Variants in CEP170B observed in about 807,000 individuals in gnomAD.
The protein encoded by CEP170B is centrosomal protein 170B, also known as centrosomal protein of 170 kDa protein B.
In CEP170B, 55 loss-of-function variants were observed where a neutral mutation model predicts 120.6. The ratio of observed to expected loss-of-function variants is 0.46; its 90% CI spans 0.37 to 0.57. CEP170B has a LOEUF of 0.57. CEP170B is among the 20% of genes least tolerant of loss of function. The pLI is 0.00. For synonymous variants in CEP170B, 1,033 were observed against 954.5 expected (o/e 1.08, Z -1.52); for missense variants, 2,212 against 2,253.3 (o/e 0.98, Z 0.37).
chr14:104,889,455 A>T (rs536992851), intron 12 of CEP170B, 165 bp from the exon 13 acceptor site: 1 of 1,488,930 alleles, frequency 6.7e-7, no homozygotes, highest in Non-Finnish European at 9.0e-7. Flanking sequence ...TGGGACTGCC[A>T]CAGGGTGCTG....
rs901764576 is a variant in CEP170B at position 104,870,198 on chromosome 14, G to T, written c.105+1643G>T. 6.6e-6 allele frequency among the ~76,000 whole-genome samples: 1 copy of T among 152,224 alleles called. No individual in the cohort carries two copies. The highest frequency in any genetic ancestry group is 1.5e-5 in the Non-Finnish European group (1 of 68,044). ...GGCCGTGGTGAGGGGCAGCCAGGGA[G>T]CGAGCGTGGGCGACCGAGGTGGGCG... On this transcript the variant is annotated intron_variant, in intron 2 of 18. Coordinates refer to ENST00000414716, the MANE Select transcript of CEP170B (RefSeq NM_001112726.3). The surrounding 1 kb of genome is among the most constrained non-coding windows in gnomAD (Gnocchi z 4.1).
rs537995572 is a variant in CEP170B, at chr14:104,896,331, G to T, written c.*1373G>T. The stretch of plus-strand genomic sequence containing the variant: ...CTGATGTTTACGTGTGTGTGTGAGG[G>T]GGGGCGGGGGTGGCAGGTGTCCCCC... On this transcript the variant is annotated 3_prime_UTR_variant, in exon 19 of 19. Coordinates refer to ENST00000414716, the MANE Select transcript of CEP170B (RefSeq NM_001112726.3). 8 of 339,414 alleles carry T rather than the reference G, an allele frequency of 2.4e-5. No individual in the cohort carries two copies. In the Admixed American group the frequency reaches 2.4e-4, roughly 10 times the overall value. 21.0% of individuals were successfully genotyped at this position (339,414 alleles called of 1,614,324 possible). A position where few individuals can be genotyped will look rare whatever the true frequency, so the allele number is the denominator to read the frequency against.
In CEP170B at chr14:104,887,884, G is replaced by A. The variant is rs768028548; in HGVS notation, c.3645G>A (p.Arg1215=). The A allele has an allele frequency of 6.4e-7, 1 of 1,565,196 alleles. No homozygotes were observed. Among genetic ancestry groups the A allele is most frequent in the East Asian group, 2.3e-5 (1 of 42,724 alleles). Residue 1215 remains arginine, a synonymous_variant, in exon 12 of 19, where the codon CGG becomes CGA. Transcript: ENST00000414716. ...GCAAGCCCACCATGGCCGAAGCACGGGCTGTCTCCAGGAAGGCTGCCAACA... is the reference window on the plus strand; with the variant it reads ...GCAAGCCCACCATGGCCGAAGCACGAGCTGTCTCCAGGAAGGCTGCCAACA... The part of the protein sequence containing the change: ...ASRKPTMAEA[R]AVSRKAANTA...
rs1897039122 is a variant in CEP170B, at chr14:104,895,477, G to C, written c.*519G>C. The stretch of plus-strand genomic sequence containing the variant: ...ACCTGTTCCTGGGACTGTCTGAGAT[G>C]GCAGGGCACTTGCCCTGGTGGCTCC... On this transcript the variant is annotated 3_prime_UTR_variant, in exon 19 of 19. Transcript: ENST00000414716. 6.5e-6 allele frequency: 1 copy of C among 152,998 alleles called. No individual in the cohort carries two copies. The highest frequency in any genetic ancestry group is 1.5e-5 in the Non-Finnish European group (1 of 68,340). The allele number at this position is 152,998 out of a possible 1,614,324, so 9.5% of individuals were successfully genotyped here.
Position 104,880,108 on chromosome 14 carries a change from G to A in CEP170B, c.334-179G>A, listed in dbSNP as rs149085393. ...CCTCCCCAGGCTTGAGCTGGACCCCGAGCCGTGTTACCTGGGCAGGCTGAG... is the reference window on the plus strand; with the variant it reads ...CCTCCCCAGGCTTGAGCTGGACCCCAAGCCGTGTTACCTGGGCAGGCTGAG... On this transcript the variant is annotated intron_variant, in intron 5 of 18. Coordinates refer to ENST00000414716, the MANE Select transcript of CEP170B (RefSeq NM_001112726.3). 6.9e-3 allele frequency among the ~76,000 whole-genome samples: 1,057 copies of A among 152,246 alleles called. 8 individuals are homozygous for A. The highest frequency in any genetic ancestry group is 0.037 in the Middle Eastern group (11 of 294).
Position 104,894,919 on chromosome 14 carries a change from C to T in CEP170B, c.4626C>T (p.Asp1542=), listed in dbSNP as rs1180217022. Residue 1542 remains aspartate (D), a synonymous_variant, in exon 19 of 19, where the codon GAC becomes GAT. Transcript: ENST00000414716. ...GCTGTGGGCCTCCCAGCCTCCCGGA[C>T]CCCACCTTCCTCCCTGATGCCGAGA... ...RASCGPPSLP[D]PTFLPDAERF... 1.3e-6 allele frequency: 2 copies of T among 1,594,438 alleles called. No individual in the cohort carries two copies. The highest frequency in any genetic ancestry group is 1.7e-6 in the Non-Finnish European group (2 of 1,170,976).
In CEP170B at chr14:104,870,139, G is replaced by A. The variant is rs1566850279; in HGVS notation, c.105+1584G>A. Among the ~76,000 whole-genome samples, 1 of 152,080 alleles carries A rather than the reference G, an allele frequency of 6.6e-6. No individual in the cohort carries two copies. The highest frequency in any genetic ancestry group is 1.5e-5 in the Non-Finnish European group (1 of 68,020). ...GCCTGGTAAAGATTTTAGGTTTTATGGACCACAAAGTATCCACTGCAGCCC... is the reference window on the plus strand; with the variant it reads ...GCCTGGTAAAGATTTTAGGTTTTATAGACCACAAAGTATCCACTGCAGCCC... On this transcript the variant is annotated intron_variant, in intron 2 of 18. Transcript: ENST00000414716. This position sits in a 1 kb window ranked among gnomAD's most constrained non-coding sequence, Gnocchi z 4.1.
chr14:104,884,339 G>A lies in CEP170B; in HGVS notation c.1560G>A (p.Glu520=). The A allele has an allele frequency of 1.3e-6, 2 of 1,544,566 alleles. No homozygotes were observed. Among genetic ancestry groups the A allele is most frequent in the Non-Finnish European group, 1.7e-6 (2 of 1,145,150 alleles). ...CCCCGGCCGCCCGGCCCAGCCCCGA[G>A]AAGGTTCCTCCGGTGCTGCCCGCTC... is the stretch of plus-strand genomic sequence containing the variant. The part of the protein sequence containing the change: ...ESSPAARPSP[E]KVPPVLPAPL... The change falls in exon 9 of 19, where the codon GAG becomes GAA. Residue 520 remains glutamate, a synonymous_variant. Transcript: ENST00000414716.
In CEP170B at chr14:104,868,330, T is replaced by G; in HGVS notation, c.-27-94T>G. ...CTTCTCCGGAAGCTGCCAGCTTCCCTTAGAGGGTCAGGATCTGGGCTGGGC... is the reference window on the plus strand; with the variant it reads ...CTTCTCCGGAAGCTGCCAGCTTCCCGTAGAGGGTCAGGATCTGGGCTGGGC... On this transcript the variant is annotated intron_variant, in intron 1 of 18. Coordinates refer to ENST00000414716, the MANE Select transcript of CEP170B (RefSeq NM_001112726.3). This position sits in a 1 kb window ranked among gnomAD's most constrained non-coding sequence, Gnocchi z 5.9. The G allele has an allele frequency of 1.2e-6, 1 of 866,026 alleles. No homozygotes were observed. Among genetic ancestry groups the G allele is most frequent in the East Asian group, 2.7e-5 (1 of 37,222 alleles). 53.6% of individuals were successfully genotyped at this position (866,026 alleles called of 1,614,324 possible).
At chr14:104,866,980 C>T (rs1895237591) in intron 1 of CEP170B, among the ~76,000 whole-genome samples, 1 of 152,216 alleles carries the variant, frequency 6.6e-6, no homozygotes, top group Non-Finnish European at 1.5e-5. Flanking sequence ...CCCATGTCCA[C>T]TCAGGAGCTC....
chr14:104,868,501 G>T lies in CEP170B; in HGVS notation c.51G>T (p.Arg17=), dbSNP rs954451460. ...FLVSSSGARH[R]LPRELIFVGR... is the part of the protein sequence containing the mutation. ...TGAGCAGCAGCGGCGCCCGCCACCG[G>T]CTCCCTCGGGAGCTCATCTTCGTGG... The change falls in exon 2 of 19, where the codon CGG becomes CGT. Residue 17 remains arginine (R), a synonymous_variant. Transcript: ENST00000414716. The surrounding 1 kb of genome is among the most constrained non-coding windows in gnomAD (Gnocchi z 5.9). The T allele has an allele frequency of 6.5e-6, 10 of 1,549,570 alleles. No individual in the cohort carries two copies. The highest frequency in any genetic ancestry group is 8.7e-6 in the Non-Finnish European group (10 of 1,146,938).
At position 104,895,672 on chromosome 14, in the gene CEP170B, C is replaced by CTCCCAT. The variant is rs1566878112; in HGVS notation, c.*715_*720dup. ...GCACACAGGTGCAGACACCCCCCAA[C>CTCCCAT]TCCCATGCACACGGCTAGTCCAGGC... On this transcript the variant is annotated 3_prime_UTR_variant, in exon 19 of 19. Transcript: ENST00000414716. The CTCCCAT allele has an allele frequency of 6.5e-6, 1 of 152,932 alleles. No homozygotes were observed. The highest frequency in any genetic ancestry group is 6.5e-5 in the Admixed American group (1 of 15,300). 9.5% of individuals were successfully genotyped at this position (152,932 alleles called of 1,614,324 possible).
Position 104,894,325 on chromosome 14 carries a change from G to A in CEP170B, c.4312G>A (p.Glu1438Lys). The change falls in exon 17 of 19, where the codon GAA becomes AAA. Residue 1438 changes from glutamate (E) to lysine (K), a missense_variant. Transcript: ENST00000414716. ...CACAGGGAGAGCTTGGGAGGACCTG[G>A]AAGCCAGGATCAACGCCGAGAACGA... ...QNTGRAWEDL[E>K]ARINAENEVP... 5 of 1,613,670 alleles carry A rather than the reference G, an allele frequency of 3.1e-6. No individual in the cohort carries two copies. The highest frequency in any genetic ancestry group is 3.4e-6 in the Non-Finnish European group (4 of 1,179,882).
At chr14:104,886,202 A>C in intron 11 of CEP170B, 72 bp downstream of exon 11, 1 of 1,472,136 alleles carries the variant, frequency 6.8e-7, no homozygotes, top group Admixed American at 2.4e-5. Context: ...CCACGGACAC[A>C]GGCTGCCTCT....
At chr14:104,888,008 G>T (rs1896616328) in intron 12 of CEP170B, 30 bp downstream of exon 12, 31 of 1,457,648 alleles carry the variant, frequency 2.1e-5, no homozygotes, top group African/African-American at 2.8e-5. Context: ...GGAGGCCAGG[G>T]CCAAGACAGG....
chr14:104,881,567 C>T (rs1162165984), intron 6 of CEP170B, among the ~76,000 whole-genome samples: 1 of 152,226 alleles, frequency 6.6e-6, no homozygotes, highest in Non-Finnish European at 1.5e-5. Context: ...CCCAGAGCAC[C>T]TGTCAGTGTC....
rs1365357164 is a variant in CEP170B, at chr14:104,896,613, T to G, written c.*1655T>G. 4.4e-6 allele frequency: 2 copies of G among 456,258 alleles called. No individual in the cohort carries two copies. The highest frequency in any genetic ancestry group is 8.8e-6 in the Non-Finnish European group (2 of 226,934). The allele number at this position is 456,258 out of a possible 1,614,324, so 28.3% of individuals were successfully genotyped here. ...CAGCCTTTGCCTGGGAACTGGTCCT[T>G]GTTTGCCGGGCTTCTCGGAGGGTTC... On this transcript the variant is annotated 3_prime_UTR_variant, in exon 19 of 19. Coordinates refer to ENST00000414716, the MANE Select transcript of CEP170B (RefSeq NM_001112726.3).
Position 104,886,336 on chromosome 14 carries a change from A to G in CEP170B, c.2097A>G (p.Arg699=). ...PEGSLPVRMR[R]RLPQLPSERA... Reference sequence around the variant, plus strand: ...GGTCCCTGCCTGTGCGCATGCGGCGACGGCTCCCTCAGCTGCCCAGTGAGA... The same window carrying G: ...GGTCCCTGCCTGTGCGCATGCGGCGGCGGCTCCCTCAGCTGCCCAGTGAGA... Residue 699 remains arginine (R), a synonymous_variant, in exon 12 of 19, where the codon CGA becomes CGG. Coordinates refer to ENST00000414716, the MANE Select transcript of CEP170B (RefSeq NM_001112726.3). 1 of 1,562,636 alleles carries G rather than the reference A, an allele frequency of 6.4e-7. No individual in the cohort carries two copies.
rs563858070 is a variant in CEP170B at position 104,886,403 on chromosome 14, G to A, written c.2164G>A (p.Gly722Arg). 3.4e-5 allele frequency: 54 copies of A among 1,581,896 alleles called. No homozygotes were observed. In the South Asian group the frequency reaches 5.5e-4, roughly 16 times the overall value. ...PAGPESSRRS[G>R]PGPPELDSEQ... The stretch of plus-strand genomic sequence containing the variant: ...GGGCCCAGAGAGCAGCAGGAGGAGT[G>A]GGCCTGGGCCACCGGAGCTGGACAG... The change falls in exon 12 of 19, where the codon GGG becomes AGG. Residue 722 changes from glycine (G) to arginine (R), a missense_variant. By Grantham distance (125) the Gly-to-Arg change is moderately radical. Transcript: ENST00000414716.
Sources: allele counts gnomAD v4.1 joint callset (sites outside exome capture counted in the v4.1 genomes callset), GRCh38; gene constraint gnomAD v4.1.1; non-coding constraint Gnocchi (gnomAD v3.1); transcripts MANE v1.5; gene names NCBI Gene and HGNC (gene_info 2026-07-23, HGNC 2026-07-21).